Variants in ZC3H4 observed in about 807,000 individuals in gnomAD.
The protein encoded by ZC3H4 is zinc finger CCCH domain-containing protein 4.
In ZC3H4, 13 loss-of-function variants were observed where a neutral mutation model predicts 108.3. The observed-to-expected ratio is 0.12, with a 90% CI of 0.08 to 0.19. ZC3H4 has a LOEUF of 0.19. ZC3H4 is among the 10% of genes least tolerant of loss of function. ZC3H4 has a pLI of 1.00. For synonymous variants in ZC3H4, 917 were observed against 749.6 expected (o/e 1.22, Z -3.65); for missense variants, 1,734 against 1,838.8 (o/e 0.94, Z 1.04).
At chr19:47,112,310 C>G in intron 2 of ZC3H4, 114 bp downstream of exon 2, 1 of 1,109,156 alleles carries the variant, frequency 9.0e-7, no homozygotes, top group Non-Finnish European at 1.1e-6. Flanking sequence ...CCTTCCTCCT[C>G]CTCCTCCTCC....
At chr19:47,090,910 G>A (rs558580017) in intron 4 of ZC3H4, among the ~76,000 whole-genome samples, 1 of 152,236 alleles carries the variant, frequency 6.6e-6, no homozygotes, top group South Asian at 2.1e-4. Flanking sequence ...GGCAGGCAGA[G>A]GGGAGAAGGG....
intron 11 of ZC3H4, among the ~76,000 whole-genome samples, 154 bp downstream of exon 11, chr19:47,081,359 G>A (rs1271360174): frequency 2.6e-5 from 4 of 152,180 alleles, no homozygotes; most frequent in Non-Finnish European, 5.9e-5. Context: ...TGCAGAAGAG[G>A]ACACAGTGCC....
intron 11 of ZC3H4, among the ~76,000 whole-genome samples, chr19:47,074,743 A>G (rs1457712051): frequency 6.6e-6 from 1 of 152,232 alleles, no homozygotes; most frequent in African/African-American, 2.4e-5. Flanking sequence ...CTGGGCGCTG[A>G]GCAAGTCTCC....
intron 2 of ZC3H4, among the ~76,000 whole-genome samples, chr19:47,098,486 CAA>C (rs142251542): frequency 8.0e-5 from 8 of 100,262 alleles, no homozygotes; most frequent in Admixed American, 1.0e-4. Flanking sequence ...AACTGTGTCT[CAA>C]AAAAAAAAAA....
rs544502550 is a variant in ZC3H4 at position 47,072,898 on chromosome 19, C to T, written c.1441-185G>A. On this transcript the variant is annotated intron_variant, in intron 11 of 14. Transcript: ENST00000253048. This position sits in a 1 kb window ranked among gnomAD's most constrained non-coding sequence, Gnocchi z 5.6. ...ATCAGCCACCTCTCTGCTCCACTCT[C>T]GGGGACCAGCTGGTAGAGGGGGGGC... Among the ~76,000 whole-genome samples the T allele has an allele frequency of 5.3e-5, 8 of 152,142 alleles. No individual in the cohort carries two copies. The highest frequency in any genetic ancestry group is 8.8e-5 in the Non-Finnish European group (6 of 68,012).
intron 5 of ZC3H4, among the ~76,000 whole-genome samples, chr19:47,087,295 C>CAAA (rs1420363166): frequency 1.1e-5 from 1 of 90,164 alleles, no homozygotes; most frequent in African/African-American, 3.2e-5. Context: ...CACACACACA[C>CAAA]ACAAAAAAAA....
Position 47,066,699 on chromosome 19 carries a change from A to G in ZC3H4, c.3569T>C (p.Phe1190Ser), listed in dbSNP as rs1184134404. The G allele has an allele frequency of 6.2e-7, 1 of 1,609,802 alleles. No individual in the cohort carries two copies. The highest frequency in any genetic ancestry group is 8.5e-7 in the Non-Finnish European group (1 of 1,178,934). ...CTGTTCCAGGGCAGACTTGCGGACG[A>G]ACGGGGGCTCCTTAGCCTTGGAGGC... ...SSASKAKEPP[F>S]VRKSALEQPE... The change falls in exon 15 of 15, where the codon TTC (phenylalanine) becomes TCC (serine). Residue 1190 changes from phenylalanine to serine, a missense_variant. Physicochemically the swap from Phe to Ser is radical, Grantham distance 155. This residue lies in a region of ZC3H4 where 518 missense variants were observed against 499.6 expected (regional missense o/e 1.04). Coordinates refer to ENST00000253048, the MANE Select transcript of ZC3H4 (RefSeq NM_015168.2).
At chr19:47,106,034 T>G (rs1322535895) in intron 2 of ZC3H4, among the ~76,000 whole-genome samples, 1 of 152,204 alleles carries the variant, frequency 6.6e-6, no homozygotes, top group Non-Finnish European at 1.5e-5. Flanking sequence ...CCTCTCTGTT[T>G]TGGTTTCTCC....
chr19:47,076,473 A>T (rs1354307039), intron 11 of ZC3H4, among the ~76,000 whole-genome samples: 2 of 152,160 alleles, frequency 1.3e-5, no homozygotes, highest in Non-Finnish European at 2.9e-5. Context: ...ATTTACTATA[A>T]AGGACACAGC....
chr19:47,079,056 T>A (rs1175301945), intron 11 of ZC3H4, among the ~76,000 whole-genome samples: 1 of 142,316 alleles, frequency 7.0e-6, no homozygotes, highest in Non-Finnish European at 1.5e-5. Context: ...TGAGACAGAG[T>A]CTCGCTCTTG....
At chr19:47,095,677 G>C (rs1203387393) in intron 2 of ZC3H4, among the ~76,000 whole-genome samples, 2 of 152,190 alleles carry the variant, frequency 1.3e-5, no homozygotes, top group East Asian at 1.9e-4. Context: ...GTTCAGGAGG[G>C]GGAGGCTGGA....
In ZC3H4 at chr19:47,071,790, G is replaced by C. The variant is rs915176380; in HGVS notation, c.2134C>G (p.Leu712Val). Residue 712 changes from leucine (L) to valine (V), a missense_variant, in exon 13 of 15, where the codon CTG becomes GTG. Physicochemically the swap from Leu to Val is conservative, Grantham distance 32. Around this residue, in one of 9 missense-constraint regions of ZC3H4, gnomAD observed 540 missense variants for 484.1 expected, o/e 1.12. Coordinates refer to ENST00000253048, the MANE Select transcript of ZC3H4 (RefSeq NM_015168.2). ...GAGTCCCGCATACCTGCATCCCCCAGGAGTCCGGGCTCCATCTCCATGCCC... is the reference window on the plus strand; with the variant it reads ...GAGTCCCGCATACCTGCATCCCCCACGAGTCCGGGCTCCATCTCCATGCCC... ...QEGMEMEPGL[L>V]GDAEDYGHYE... 1 of 1,610,172 alleles carries C rather than the reference G, an allele frequency of 6.2e-7. No individual in the cohort carries two copies. Among genetic ancestry groups the C allele is most frequent in the East Asian group, 2.2e-5 (1 of 44,858 alleles).
At chr19:47,086,794 T>C (rs1371795118) in intron 5 of ZC3H4, among the ~76,000 whole-genome samples, 1 of 152,162 alleles carries the variant, frequency 6.6e-6, no homozygotes, top group East Asian at 1.9e-4. Flanking sequence ...CAGGGACTTG[T>C]CTACTTAGAA....
Position 47,067,229 on chromosome 19 carries a change from G to T in ZC3H4, c.3039C>A (p.His1013Gln). ...TGGGGGGCCCTGCCGTGGCAGCGCG[G>T]TGCAGCCGGGGGTCCAGGGTGGGCA... ...QSMPTLDPRL[H>Q]RAATAGPPNA... The change falls in exon 15 of 15, where the codon CAC becomes CAA. Residue 1013 changes from histidine (H) to glutamine (Q), a missense_variant. By Grantham distance (24) the His-to-Gln change is conservative (BLOSUM62 0). Coordinates refer to ENST00000253048, the MANE Select transcript of ZC3H4 (RefSeq NM_015168.2). The surrounding 1 kb of genome is among the most constrained non-coding windows in gnomAD (Gnocchi z 6.4). The T allele has an allele frequency of 1.2e-6, 2 of 1,606,584 alleles. No homozygotes were observed. Among genetic ancestry groups the T allele is most frequent in the Non-Finnish European group, 1.7e-6 (2 of 1,176,704 alleles).
intron 14 of ZC3H4, among the ~76,000 whole-genome samples, chr19:47,068,706 T>C (rs1346529357): frequency 6.6e-6 from 1 of 152,204 alleles, no homozygotes; most frequent in Non-Finnish European, 1.5e-5. Flanking sequence ...TGATTATTAC[T>C]GGTTAATTTC....
intron 8 of ZC3H4, 142 bp from the exon 9 acceptor site, chr19:47,084,597 C>G: frequency 2.6e-6 from 2 of 782,144 alleles, no homozygotes; most frequent in Non-Finnish European, 4.3e-6. Context: ...CTGCATCTAA[C>G]ACGGAGGCTG....
Position 47,085,424 on chromosome 19 carries a change from G to A in ZC3H4, c.871-10C>T, listed in dbSNP as rs544814724. ...CCTCACTCTCTCCATACTGGAATGC[G>A]CAGAGGAGAGGGCAGGAGAGCGTCA... On this transcript the variant is annotated splice_polypyrimidine_tract_variant and intron_variant, in intron 6 of 14. Coordinates refer to ENST00000253048, the MANE Select transcript of ZC3H4 (RefSeq NM_015168.2). 32 of 1,568,082 alleles carry A rather than the reference G, an allele frequency of 2.0e-5. No individual in the cohort carries two copies. Among genetic ancestry groups the A allele is most frequent in the South Asian group, 2.0e-4 (17 of 84,088 alleles).
chr19:47,069,500 G>A lies in ZC3H4; in HGVS notation c.2147-157C>T, dbSNP rs142630165. Among the ~76,000 whole-genome samples, 453 of 152,302 alleles carry A rather than the reference G, an allele frequency of 3.0e-3. 2 individuals are homozygous for A. The highest frequency in any genetic ancestry group is 9.8e-3 in the African/African-American group (407 of 41,560). On this transcript the variant is annotated intron_variant, in intron 13 of 14. Transcript: ENST00000253048. ...TCCCCAGGTCTCAGGGGAACAGAGC[G>A]GCCCATGGGTAGCCCCGCCTACATG...
intron 2 of ZC3H4, among the ~76,000 whole-genome samples, chr19:47,111,670 A>G (rs1046183805): frequency 1.3e-5 from 2 of 152,106 alleles, no homozygotes; most frequent in Non-Finnish European, 2.9e-5. Context: ...GTTTTCATCA[A>G]AAGGGCTGGA....
Sources: gnomAD v4.1 joint callset for allele counts (sites outside exome capture counted in the v4.1 genomes callset) on GRCh38, gnomAD v4.1.1 for gene constraint, gnomAD v4.1.1 regional missense constraint, Gnocchi (gnomAD v3.1) non-coding constraint, MANE v1.5 for transcripts, NCBI Gene and HGNC (gene_info 2026-07-23, HGNC 2026-07-21) for gene names.